GRID1: variants seen among roughly 807,000 people sequenced by gnomAD.
GRID1 encodes the protein glutamate receptor ionotropic, delta-1.
GRID1 carries 28 observed loss-of-function variants against 98.0 expected under a neutral mutation model. The observed-to-expected ratio is 0.29, with a 90% CI of 0.21 to 0.39. The LOEUF (loss-of-function observed/expected upper bound fraction) is 0.39. Among genes scored for constraint, GRID1 ranks in the 10% least tolerant of loss-of-function variants. The pLI is 1.00. For synonymous variants in GRID1, 553 were observed against 538.5 expected, an observed-to-expected ratio of 1.03 and a Z score of -0.37; for missense variants, 1,111 against 1,340.5, an observed-to-expected ratio of 0.83 and a Z score of 2.67.
intron 3 of GRID1, among the ~76,000 whole-genome samples, chr10:86,171,668 G>A (rs1845490003): frequency 6.6e-6 from 1 of 152,184 alleles, no homozygotes; most frequent in Non-Finnish European, 1.5e-5. Flanking sequence ...AAAGACAGAT[G>A]GTTTTAAAGA....
intron 6 of GRID1, among the ~76,000 whole-genome samples, chr10:85,866,930 G>T (rs1843226916): frequency 6.6e-6 from 1 of 152,110 alleles, no homozygotes; most frequent in African/African-American, 2.4e-5. Flanking sequence ...ACAGAGGGAG[G>T]CATAGTGTCC....
At chr10:85,873,100 G>A (rs1320907347) in intron 5 of GRID1, among the ~76,000 whole-genome samples, 2 of 152,170 alleles carry the variant, frequency 1.3e-5, no homozygotes, top group Non-Finnish European at 2.9e-5. Flanking sequence ...TAGTGCCACA[G>A]GGGTGAGTAT....
chr10:86,167,394 GCT>G (rs1269482361), intron 3 of GRID1, among the ~76,000 whole-genome samples: 1 of 152,150 alleles, frequency 6.6e-6, no homozygotes, highest in Non-Finnish European at 1.5e-5. Context: ...CAGAATATGT[GCT>G]TGCCCACTCT....
At chr10:86,350,129 G>A (rs1401181353) in intron 2 of GRID1, among the ~76,000 whole-genome samples, 1 of 152,190 alleles carries the variant, frequency 6.6e-6, no homozygotes, top group African/African-American at 2.4e-5. Context: ...TGCTTGGGTT[G>A]TTGGAGAGAT....
At chr10:85,756,917 A>AT (rs1842105157) in intron 8 of GRID1, among the ~76,000 whole-genome samples, 1 of 152,168 alleles carries the variant, frequency 6.6e-6, no homozygotes, top group Non-Finnish European at 1.5e-5. Flanking sequence ...ACCATTACTG[A>AT]TTCCCTGTAC....
At chr10:86,104,081 AGAGAG>A (rs535104132) in intron 4 of GRID1, among the ~76,000 whole-genome samples, 1 of 152,304 alleles carries the variant, frequency 6.6e-6, no homozygotes, top group Non-Finnish European at 1.5e-5. Context: ...CCAGTCTGGC[AGAGAG>A]GTAGGTGCCT....
Position 85,647,124 on chromosome 10 carries a change from G to A in GRID1, c.2193+78C>T. 3.6e-6 allele frequency: 4 copies of A among 1,112,742 alleles called. No homozygotes were observed. In the Admixed American group the frequency reaches 7.0e-5, roughly 19 times the overall value. The allele number at this position is 1,112,742 out of a possible 1,614,324, so 68.9% of individuals were successfully genotyped here. On this transcript the variant is annotated intron_variant, in intron 13 of 15. Coordinates refer to ENST00000327946, the MANE Select transcript of GRID1 (RefSeq NM_017551.3). Reference sequence around the variant, plus strand: ...GGCTGCTCAGAGGCAGATGCCCCTGGAGGTGTCTCCCACCTGGGGGCTGAC... The same window carrying A: ...GGCTGCTCAGAGGCAGATGCCCCTGAAGGTGTCTCCCACCTGGGGGCTGAC...
chr10:86,313,214 C>A (rs569068342), intron 2 of GRID1, among the ~76,000 whole-genome samples: 2 of 152,316 alleles, frequency 1.3e-5, no homozygotes, highest in South Asian at 4.1e-4. Flanking sequence ...AATTCCTCTG[C>A]CATTAAAATA....
chr10:85,621,725 C>T (rs138923009), intron 13 of GRID1, among the ~76,000 whole-genome samples: 2 of 152,180 alleles, frequency 1.3e-5, no homozygotes, highest in African/African-American at 4.8e-5. Context: ...AGGACTTTGA[C>T]CCAGGTTGCA....
chr10:86,259,430 A>G (rs55968273), intron 2 of GRID1, among the ~76,000 whole-genome samples: 2,677 of 152,344 alleles, frequency 0.018, 36 homozygotes, highest in Non-Finnish European at 0.031. Context: ...GCGTACAGAA[A>G]GTTGAATGTC....
chr10:85,754,658 T>C (rs1842078877), intron 8 of GRID1, among the ~76,000 whole-genome samples: 1 of 152,170 alleles, frequency 6.6e-6, no homozygotes, highest in South Asian at 2.1e-4. Flanking sequence ...TCAGAGATAC[T>C]CTTTTCCCCA....
rs143680915 is a variant in GRID1, at chr10:86,027,740, C to T, written c.726+111079G>A. On this transcript the variant is annotated intron_variant, in intron 4 of 15. Coordinates refer to ENST00000327946, the MANE Select transcript of GRID1 (RefSeq NM_017551.3). ...GGCTTCCAGTCACATACATTGTTTG[C>T]CTTTGTTTTGCCTACACATCAGACA... Among the ~76,000 whole-genome samples the T allele has an allele frequency of 8.5e-5, 13 of 152,320 alleles. No individual in the cohort carries two copies. In the East Asian group the frequency reaches 1.2e-3, roughly 14 times the overall value.
chr10:85,874,799 C>T lies in GRID1; in HGVS notation c.781-5619G>A, dbSNP rs933955291. On this transcript the variant is annotated intron_variant, in intron 5 of 15. Coordinates refer to ENST00000327946, the MANE Select transcript of GRID1 (RefSeq NM_017551.3). The stretch of plus-strand genomic sequence containing the variant: ...GGTCATTTTTAGGTCCATTAAAAAT[C>T]TGTGTATTTCTCTTTGAATATTGGC... 2.6e-5 allele frequency among the ~76,000 whole-genome samples: 4 copies of T among 152,220 alleles called. No individual in the cohort carries two copies. In the East Asian group the frequency reaches 7.7e-4, roughly 29 times the overall value.
intron 5 of GRID1, among the ~76,000 whole-genome samples, chr10:85,871,998 T>C (rs551296704): frequency 1.3e-5 from 2 of 152,206 alleles, no homozygotes; most frequent in South Asian, 2.1e-4. Flanking sequence ...GGTGGGGAAA[T>C]TGACAATGTC....
chr10:85,669,961 A>G (rs1841066451), intron 12 of GRID1, among the ~76,000 whole-genome samples: 1 of 152,210 alleles, frequency 6.6e-6, no homozygotes, highest in African/African-American at 2.4e-5. Flanking sequence ...AGGAACACTG[A>G]CACACCTGCA....
At chr10:86,128,676 G>A (rs1472615581) in intron 4 of GRID1, among the ~76,000 whole-genome samples, 2 of 152,136 alleles carry the variant, frequency 1.3e-5, no homozygotes, top group Non-Finnish European at 1.5e-5. Context: ...CTAGCAGCAG[G>A]TCACCAGCCC....
At chr10:85,848,490 G>C (rs78385639) in intron 8 of GRID1, among the ~76,000 whole-genome samples, 5,028 of 152,216 alleles carry the variant, frequency 0.033, 125 homozygotes, top group Non-Finnish European at 0.047. Flanking sequence ...TTAAAGAAAT[G>C]AGGAGATATT....
intron 2 of GRID1, among the ~76,000 whole-genome samples, chr10:86,341,735 T>C (rs1460032556): frequency 6.6e-6 from 1 of 152,224 alleles, no homozygotes; most frequent in Non-Finnish European, 1.5e-5. Flanking sequence ...TCTGCCCCTC[T>C]TCCCAGCCCT....
intron 4 of GRID1, among the ~76,000 whole-genome samples, chr10:86,045,530 T>C (rs1843410878): frequency 6.6e-6 from 1 of 152,074 alleles, no homozygotes; most frequent in African/African-American, 2.4e-5. Flanking sequence ...GCTCCAAAGC[T>C]TCAGAGGAGA....
Sources: allele counts gnomAD v4.1 joint callset (sites outside exome capture counted in the v4.1 genomes callset), GRCh38; gene constraint gnomAD v4.1.1; transcripts MANE v1.5; gene names NCBI Gene and HGNC (gene_info 2026-07-23, HGNC 2026-07-21).